Variants in MSLN observed in about 807,000 individuals in gnomAD.
MSLN encodes mesothelin.
Under a neutral mutation model 72.6 loss-of-function variants are expected in MSLN, and 82 were observed. The observed-to-expected ratio is 1.13, with a 90% CI of 0.94 to 1.36. MSLN has a LOEUF of 1.36. MSLN is among the 40% of genes most tolerant of loss of function. The probability of loss-of-function intolerance (pLI) is 0.00; values close to 1 mark genes in which losing one functional copy is unlikely to be tolerated. For missense variants in MSLN, 1,005 were observed against 847.9 expected (o/e 1.19, Z -2.30); for synonymous variants, 456 against 387.3 (o/e 1.18, Z -2.08).
At position 764,710 on chromosome 16, in the gene MSLN, C is replaced by T. The variant is rs751721078; in HGVS notation, c.364C>T (p.Leu122=). The T allele has an allele frequency of 6.2e-7, 1 of 1,611,842 alleles. No homozygotes were observed. The highest frequency in any genetic ancestry group is 8.5e-7 in the Non-Finnish European group (1 of 1,179,402). ...PEDLDALPLD[L]LLFLNPDAFS... is the part of the protein sequence containing the mutation. ...GGACCTGGACGCCCTCCCATTGGAC[C>T]TGCTGCTATTCCTCAAGTAGGCCCT... is the stretch of plus-strand genomic sequence containing the variant. The change falls in exon 7 of 18, where the codon CTG becomes TTG. Residue 122 remains leucine (L), a synonymous_variant. Transcript: ENST00000545450.
chr16:765,209 C>T lies in MSLN; in HGVS notation c.610C>T (p.Leu204=), dbSNP rs774711130. The change falls in exon 9 of 18, where the codon CTG becomes TTG. Residue 204 remains leucine, a synonymous_variant. Coordinates refer to ENST00000545450, the MANE Select transcript of MSLN (RefSeq NM_005823.6). ...GRFVAESAEV[L]LPRLVSCPGP... is the part of the protein sequence containing the mutation. The stretch of plus-strand genomic sequence containing the variant: ...CTTTGTGGCCGAGTCGGCCGAAGTG[C>T]TGCTACCCCGGCTGGTGAGCTGCCC... 2.6e-5 allele frequency: 41 copies of T among 1,589,892 alleles called. 1 individual carries two copies. In the South Asian group the frequency reaches 4.6e-4, roughly 18 times the overall value.
chr16:763,756 G>C, intron 5 of MSLN, 65 bp downstream of exon 5: 6 of 478,252 alleles, frequency 1.3e-5, no homozygotes, highest in Non-Finnish European at 1.5e-5. Context: ...CTGAGGGTGG[G>C]CAGGGCACCC....
chr16:768,601 G>A (rs1229255591), intron 17 of MSLN, 36 bp downstream of exon 17: 5 of 1,610,422 alleles, frequency 3.1e-6, no homozygotes, highest in Non-Finnish European at 4.2e-6. Flanking sequence ...TGGGGGCAGA[G>A]CTGGGGGCGT....
At chr16:765,996 G>A (rs890178930) in intron 11 of MSLN, 63 bp from the exon 12 acceptor site, 5 of 1,501,214 alleles carry the variant, frequency 3.3e-6, no homozygotes, top group Admixed American at 3.9e-5. Context: ...CTCACAGGAG[G>A]TGTGGGAGGA....
chr16:761,481 GC>G (rs1213055460), intron 2 of MSLN, among the ~76,000 whole-genome samples: 1 of 152,230 alleles, frequency 6.6e-6, no homozygotes, highest in Non-Finnish European at 1.5e-5. Context: ...CTCTCGGGGA[GC>G]CCCCATCCCA....
chr16:764,707 G>A lies in MSLN; in HGVS notation c.361G>A (p.Asp121Asn), dbSNP rs764050271. ...CGAGGACCTGGACGCCCTCCCATTG[G>A]ACCTGCTGCTATTCCTCAAGTAGGC... ...PPEDLDALPL[D>N]LLLFLNPDAF... The change falls in exon 7 of 18, where the codon GAC becomes AAC. Residue 121 changes from aspartate (D) to asparagine (N), a missense_variant. By Grantham distance (23) the Asp-to-Asn change is conservative. Transcript: ENST00000545450. 4 of 1,612,112 alleles carry A rather than the reference G, an allele frequency of 2.5e-6. No individual in the cohort carries two copies. The highest frequency in any genetic ancestry group is 3.3e-5 in the Admixed American group (2 of 60,000).
At chr16:768,067 TG>T (rs1449460930) in intron 16 of MSLN, among the ~76,000 whole-genome samples, 15 of 49,684 alleles carry the variant, frequency 3.0e-4, no homozygotes, top group African/African-American at 1.1e-3. Flanking sequence ...GAGGGGCACA[TG>T]GAGGGGGGGG....
chr16:764,593 C>T (rs1596691200), intron 6 of MSLN, 54 bp from the exon 7 acceptor site: 3 of 1,476,284 alleles, frequency 2.0e-6, no homozygotes. Context: ...GACCCTGGCC[C>T]ACCATGTGAG....
At chr16:764,235 CCTCT>C in intron 6 of MSLN, 92 bp downstream of exon 6, 2 of 1,472,736 alleles carry the variant, frequency 1.4e-6, no homozygotes, top group Non-Finnish European at 1.8e-6. Flanking sequence ...ACCACGGTCC[CCTCT>C]GTCCCTGCTG....
chr16:764,720 TCCTCAAGTAGGC>T lies in MSLN; in HGVS notation c.378_380+9del. The T allele has an allele frequency of 6.2e-7, 1 of 1,610,428 alleles. No homozygotes were observed. Among genetic ancestry groups the T allele is most frequent in the South Asian group, 1.1e-5 (1 of 91,014 alleles). ...GCCCTCCCATTGGACCTGCTGCTAT[TCCTCAAGTAGGC>T]CCTGCCCCCTGAACCCACCCCCCCG... is the stretch of plus-strand genomic sequence containing the variant. On this transcript the variant is annotated splice_donor_variant and splice_donor_5th_base_variant and coding_sequence_variant and intron_variant, in exon 7 of 18. Coordinates refer to ENST00000545450, the MANE Select transcript of MSLN (RefSeq NM_005823.6). LOFTEE classifies it high-confidence loss of function.
rs746639760 is a variant in MSLN, at chr16:762,749, C to A, written c.69C>A (p.Phe23Leu). Residue 23 changes from phenylalanine to leucine, a missense_variant, in exon 3 of 18, where the codon TTC becomes TTA. Transcript: ENST00000545450. ...CCCCCGCCCTCGGCAGCCTCCTGTT[C>A]CTGCTCTTCAGCCTCGGTGCGTACT... ...CGTPALGSLL[F>L]LLFSLGWVQP... 8.1e-6 allele frequency: 13 copies of A among 1,597,028 alleles called. No homozygotes were observed. The highest frequency in any genetic ancestry group is 9.4e-6 in the Non-Finnish European group (11 of 1,173,406).
chr16:764,613 G>A (rs769885899), intron 6 of MSLN, 34 bp from the exon 7 acceptor site: 10 of 1,596,136 alleles, frequency 6.3e-6, no homozygotes, highest in East Asian at 4.5e-5. Context: ...GTGGCGGCTC[G>A]AAACGCTCTG....
Position 765,271 on chromosome 16 carries a change from G to T in MSLN, c.672G>T (p.Arg224Ser). Residue 224 changes from arginine to serine, a missense_variant, in exon 9 of 18, where the codon AGG becomes AGT. Coordinates refer to ENST00000545450, the MANE Select transcript of MSLN (RefSeq NM_005823.6). ...PLDQDQQEAA[R>S]AALQGGGPPY... ...ACCAGGACCAGCAGGAGGCAGCCAG[G>T]GCGGCTCTGCAGGGCGGGGGACCCC... The T allele has an allele frequency of 6.3e-7, 1 of 1,584,882 alleles. No individual in the cohort carries two copies. Among genetic ancestry groups the T allele is most frequent in the Non-Finnish European group, 8.5e-7 (1 of 1,172,182 alleles).
intron 2 of MSLN, among the ~76,000 whole-genome samples, chr16:761,433 A>G (rs2235505): frequency 0.45 from 67,956 of 152,170 alleles, 19,351 homozygotes; most frequent in African/African-American, 0.8. Context: ...AGGGCCCCCC[A>G]TGGCCTGCAG....
chr16:768,455 C>G lies in MSLN; in HGVS notation c.1673C>G (p.Pro558Arg). Reference sequence around the variant, plus strand: ...CTGAAGGCGGAGGAGCGGCACCGCCCGGTGCGGGACTGGATCCTACGGCAG... The same window carrying G: ...CTGAAGGCGGAGGAGCGGCACCGCCGGGTGCGGGACTGGATCCTACGGCAG... ...EGLKAEERHR[P>R]VRDWILRQRQ... is the part of the protein sequence containing the mutation. Residue 558 changes from proline (P) to arginine (R), a missense_variant, in exon 17 of 18, where the codon CCG becomes CGG. Transcript: ENST00000545450. 1.9e-6 allele frequency: 3 copies of G among 1,541,700 alleles called. No individual in the cohort carries two copies. Among genetic ancestry groups the G allele is most frequent in the Non-Finnish European group, 2.6e-6 (3 of 1,140,620 alleles).
At position 766,870 on chromosome 16, in the gene MSLN, C is replaced by T. The variant is rs372635719; in HGVS notation, c.1374-15C>T. ...CCGTGTGCTGGCGCTCACTGTCCACCCACCGTGTCCCCAGGGCGGTCAGGC... is the reference window on the plus strand; with the variant it reads ...CCGTGTGCTGGCGCTCACTGTCCACTCACCGTGTCCCCAGGGCGGTCAGGC... On this transcript the variant is annotated splice_polypyrimidine_tract_variant and intron_variant, in intron 14 of 17. Coordinates refer to ENST00000545450, the MANE Select transcript of MSLN (RefSeq NM_005823.6). 5.3e-5 allele frequency: 85 copies of T among 1,612,316 alleles called. No individual in the cohort carries two copies. The highest frequency in any genetic ancestry group is 7.7e-5 in the South Asian group (7 of 91,090).
At position 766,171 on chromosome 16, in the gene MSLN, G is replaced by A; in HGVS notation, c.1008G>A (p.Met336Ile). 3 of 1,612,728 alleles carry A rather than the reference G, an allele frequency of 1.9e-6. No homozygotes were observed. The highest frequency in any genetic ancestry group is 1.7e-6 in the Non-Finnish European group (2 of 1,179,892). ...ATGCGGCCCTGCTGGCCACCCAGAT[G>A]GACCGCGTGAACGCCATCCCCTTCA... ...CVDAALLATQ[M>I]DRVNAIPFTY... The change falls in exon 12 of 18, where the codon ATG (methionine) becomes ATA (isoleucine). Residue 336 changes from methionine (M) to isoleucine (I), a missense_variant. Physicochemically the swap from Met to Ile is conservative, Grantham distance 10. Transcript: ENST00000545450.
chr16:763,896 TG>T (rs1567355819), intron 5 of MSLN, 126 bp from the exon 6 acceptor site: 7 of 1,272,060 alleles, frequency 5.5e-6, no homozygotes, highest in Non-Finnish European at 5.2e-6. Context: ...CACCTGGTCT[TG>T]GGGGGAGGTC....
At chr16:763,498 C>A in intron 4 of MSLN, 144 bp from the exon 5 acceptor site, 1 of 886,720 alleles carries the variant, frequency 1.1e-6, no homozygotes, top group Non-Finnish European at 1.7e-6. Flanking sequence ...GGATGAGAAG[C>A]AGCCAAGCCC....
Sources: allele counts gnomAD v4.1 joint callset (sites outside exome capture counted in the v4.1 genomes callset), GRCh38; gene constraint gnomAD v4.1.1; transcripts MANE v1.5; gene names NCBI Gene and HGNC (gene_info 2026-07-23, HGNC 2026-07-21).